The following TXNL1 variants were observed in gnomAD, a reference collection of about 807,000 sequenced individuals.
TXNL1 encodes thioredoxin-like protein 1.
TXNL1 carries 14 observed loss-of-function variants against 35.5 expected under a neutral mutation model. The observed-to-expected ratio is 0.39, with a 90% CI of 0.26 to 0.62. The LOEUF is 0.62. TXNL1 is among the 20% of genes least tolerant of loss of function. The probability of loss-of-function intolerance (pLI) is 0.47; values close to 1 mark genes in which losing one functional copy is unlikely to be tolerated. For missense variants in TXNL1, 263 were observed against 349.7 expected, an observed-to-expected ratio of 0.75 and a Z score of 1.98; for synonymous variants, 110 against 115.5, an observed-to-expected ratio of 0.95 and a Z score of 0.31.
intron 1 of TXNL1, among the ~76,000 whole-genome samples, chr18:56,631,068 C>T (rs2144332732): frequency 6.6e-6 from 1 of 151,920 alleles, no homozygotes; most frequent in African/African-American, 2.4e-5. Flanking sequence ...TTTGAAGACA[C>T]GAGGTCTGCC....
At chr18:56,616,456 A>G in intron 4 of TXNL1, 142 bp from the exon 5 acceptor site, 1 of 666,640 alleles carries the variant, frequency 1.5e-6, no homozygotes, top group Non-Finnish European at 2.5e-6. Flanking sequence ...ATGAAAAATC[A>G]GCAAGTGGAG....
chr18:56,614,606 G>C lies in TXNL1; in HGVS notation c.563-10C>G, dbSNP rs1368561869. On this transcript the variant is annotated splice_polypyrimidine_tract_variant and intron_variant, in intron 5 of 7. Coordinates refer to ENST00000217515, the MANE Select transcript of TXNL1 (RefSeq NM_004786.3). ...TATTTAGGGCCCTGACCTATACAAT[G>C]GTAGAATAAAATAAAATGTTTAAAA... 6.3e-7 allele frequency: 1 copy of C among 1,599,144 alleles called. No homozygotes were observed. The highest frequency in any genetic ancestry group is 1.8e-5 in the Admixed American group (1 of 56,734).
intron 3 of TXNL1, among the ~76,000 whole-genome samples, chr18:56,622,593 C>T (rs541441063): frequency 6.6e-6 from 1 of 152,242 alleles, no homozygotes; most frequent in African/African-American, 2.4e-5. Flanking sequence ...TTATCCATAA[C>T]ATTTGCACAA....
intron 1 of TXNL1, among the ~76,000 whole-genome samples, chr18:56,632,859 C>T (rs1246749008): frequency 6.6e-6 from 1 of 152,188 alleles, no homozygotes; most frequent in Non-Finnish European, 1.5e-5. Flanking sequence ...CCTAGTCTTA[C>T]AGCTACTTGC....
At chr18:56,615,168 C>G (rs2024063770) in intron 5 of TXNL1, among the ~76,000 whole-genome samples, 1 of 152,056 alleles carries the variant, frequency 6.6e-6, no homozygotes, top group Admixed American at 6.5e-5. Context: ...TATAGAATGC[C>G]TTAATCCCTT....
intron 3 of TXNL1, among the ~76,000 whole-genome samples, chr18:56,620,888 G>A (rs1451851109): frequency 2.6e-5 from 4 of 152,202 alleles, no homozygotes; most frequent in Non-Finnish European, 4.4e-5. Flanking sequence ...TATAGTAAAT[G>A]TATTACTCAG....
intron 7 of TXNL1, among the ~76,000 whole-genome samples, chr18:56,605,434 T>C (rs2023875439): frequency 6.6e-6 from 1 of 152,216 alleles, no homozygotes; most frequent in African/African-American, 2.4e-5. Context: ...ATACGGTGAA[T>C]GGCCAGTTTA....
rs1229048856 is a variant in TXNL1 at position 56,599,493 on chromosome 18, A to G, written c.*3534T>C. On this transcript the variant is annotated 3_prime_UTR_variant, in exon 8 of 8. Coordinates refer to ENST00000217515, the MANE Select transcript of TXNL1 (RefSeq NM_004786.3). ...ACAAAACTGTAAAATACACACCTCT[A>G]ATAATGAGTTTTAAAGCTAAATGAG... 2 of 152,102 alleles carry G rather than the reference A, an allele frequency of 1.3e-5. No homozygotes were observed. The allele number at this position is 152,102 out of a possible 1,614,324, so 9.4% of individuals were successfully genotyped here. A position where few individuals can be genotyped will look rare whatever the true frequency, so the allele number is the denominator to read the frequency against.
intron 1 of TXNL1, among the ~76,000 whole-genome samples, chr18:56,628,364 T>C (rs138679942): frequency 6.6e-6 from 1 of 152,324 alleles, no homozygotes; most frequent in East Asian, 1.9e-4. Flanking sequence ...AAGACACATG[T>C]TCACCTTAGA....
intron 6 of TXNL1, among the ~76,000 whole-genome samples, chr18:56,613,343 T>C (rs1289447659): frequency 6.6e-6 from 1 of 152,196 alleles, no homozygotes; most frequent in Non-Finnish European, 1.5e-5. Flanking sequence ...CTGCTATTCT[T>C]TTCTAACTGT....
chr18:56,610,882 A>G, intron 7 of TXNL1, 111 bp downstream of exon 7: 1 of 684,412 alleles, frequency 1.5e-6, no homozygotes, highest in South Asian at 2.3e-5. Context: ...TCATGACATG[A>G]TATAATTTTG....
chr18:56,621,440 C>T (rs1301753216), intron 3 of TXNL1, among the ~76,000 whole-genome samples: 3 of 152,016 alleles, frequency 2.0e-5, no homozygotes, highest in Non-Finnish European at 2.9e-5. Context: ...GTGATCCACC[C>T]GCCTCAGCCT....
At chr18:56,623,420 C>T (rs112360245) in intron 3 of TXNL1, among the ~76,000 whole-genome samples, 3,516 of 134,024 alleles carry the variant, frequency 0.026, 141 homozygotes, top group African/African-American at 0.085. Context: ...AGAGGGACTC[C>T]GCCTCAAAAA....
At chr18:56,623,513 T>C (rs1032144858) in intron 3 of TXNL1, among the ~76,000 whole-genome samples, 1 of 152,162 alleles carries the variant, frequency 6.6e-6, no homozygotes, top group Non-Finnish European at 1.5e-5. Context: ...AGTAACTTTG[T>C]AACCAGAGAA....
At chr18:56,612,358 G>C (rs1263762752) in intron 6 of TXNL1, among the ~76,000 whole-genome samples, 1 of 151,200 alleles carries the variant, frequency 6.6e-6, no homozygotes, top group Non-Finnish European at 1.5e-5. Flanking sequence ...TTGGGAATCA[G>C]CTCCTAAAAC....
intron 7 of TXNL1, among the ~76,000 whole-genome samples, chr18:56,607,153 G>C (rs2023910947): frequency 8.6e-6 from 1 of 116,260 alleles, no homozygotes; most frequent in Admixed American, 1.1e-4. Flanking sequence ...CACCTTGCCT[G>C]GGTAATTTTG....
intron 7 of TXNL1, chr18:56,608,179 G>A (rs2023933196): frequency 6.6e-6 from 1 of 152,114 alleles, no homozygotes; most frequent in African/African-American, 2.4e-5. Flanking sequence ...TTCCTTCAAT[G>A]AAAACCAAAC....
chr18:56,622,479 A>C (rs1309953714), intron 3 of TXNL1, among the ~76,000 whole-genome samples: 4 of 152,238 alleles, frequency 2.6e-5, no homozygotes, highest in African/African-American at 7.2e-5. Context: ...ACCAAATTTA[A>C]ATACTGAATA....
intron 3 of TXNL1, among the ~76,000 whole-genome samples, chr18:56,621,035 T>C (rs2024172071): frequency 6.6e-6 from 1 of 152,230 alleles, no homozygotes; most frequent in Non-Finnish European, 1.5e-5. Flanking sequence ...CTTTAAAATG[T>C]TTTTGTCTTC....
Sources: allele counts gnomAD v4.1 joint callset (sites outside exome capture counted in the v4.1 genomes callset), GRCh38; gene constraint gnomAD v4.1.1; transcripts MANE v1.5; gene names NCBI Gene and HGNC (gene_info 2026-07-23, HGNC 2026-07-21).